The following NMNAT2 variants were observed in gnomAD, a reference collection of about 807,000 sequenced individuals.
The protein encoded by NMNAT2 is nicotinamide nucleotide adenylyltransferase 2.
In NMNAT2, 11 loss-of-function variants were observed where a neutral mutation model predicts 41.6. That is an observed-to-expected ratio of 0.26 (90% confidence interval 0.17 to 0.44). The LOEUF is 0.44. Among genes scored for constraint, NMNAT2 ranks in the 20% least tolerant of loss-of-function variants. The pLI is 1.00. For missense variants in NMNAT2, 288 were observed against 407.7 expected (o/e 0.71, Z 2.53); for synonymous variants, 148 against 151.2 (o/e 0.98, Z 0.16).
At chr1:183,334,069 G>A (rs991945373) in intron 1 of NMNAT2, among the ~76,000 whole-genome samples, 5 of 152,168 alleles carry the variant, frequency 3.3e-5, no homozygotes, top group Admixed American at 6.5e-5. Context: ...CTTCCTCACC[G>A]TCTCATTTTT....
chr1:183,269,602 G>A (rs1377243050), intron 8 of NMNAT2, among the ~76,000 whole-genome samples: 2 of 152,268 alleles, frequency 1.3e-5, no homozygotes, highest in Non-Finnish European at 2.9e-5. Context: ...CCATTGGGAA[G>A]GAGGGGAAGA....
chr1:183,322,950 T>C (rs1571597673), intron 1 of NMNAT2, among the ~76,000 whole-genome samples: 1 of 152,096 alleles, frequency 6.6e-6, no homozygotes, highest in South Asian at 2.1e-4. Flanking sequence ...TTTTTTTCTT[T>C]AGATGGAGTC....
intron 1 of NMNAT2, among the ~76,000 whole-genome samples, chr1:183,359,978 TA>T (rs1468922829): frequency 2.6e-5 from 4 of 152,212 alleles, no homozygotes; most frequent in African/African-American, 4.8e-5. Flanking sequence ...TAGTTAAGTG[TA>T]AAACATTGGA....
chr1:183,306,053 CCTCTCTA>C (rs1389679601), intron 1 of NMNAT2, among the ~76,000 whole-genome samples: 1 of 152,050 alleles, frequency 6.6e-6, no homozygotes, highest in Non-Finnish European at 1.5e-5. Context: ...GTTTATCTTC[CCTCTCTA>C]CTTCCTCTAG....
chr1:183,272,044 C>CA (rs1661000233), intron 8 of NMNAT2, among the ~76,000 whole-genome samples: 1 of 152,216 alleles, frequency 6.6e-6, no homozygotes, highest in Admixed American at 6.5e-5. Flanking sequence ...TGAGCCACCA[C>CA]ACCTGGCCTT....
intron 1 of NMNAT2, among the ~76,000 whole-genome samples, chr1:183,339,770 C>T (rs1662754582): frequency 1.4e-5 from 1 of 73,470 alleles, no homozygotes; most frequent in Admixed American, 1.4e-4. Context: ...ACCATCTGTA[C>T]TCCAAAATGA....
chr1:183,350,190 A>G (rs946710262), intron 1 of NMNAT2, among the ~76,000 whole-genome samples: 1 of 152,216 alleles, frequency 6.6e-6, no homozygotes, highest in African/African-American at 2.4e-5. Context: ...CTGTGAATAA[A>G]TGAATGGGGA....
chr1:183,311,722 T>TACACACACACACACAC, intron 1 of NMNAT2, among the ~76,000 whole-genome samples: 1 of 144,206 alleles, frequency 6.9e-6, no homozygotes, highest in Non-Finnish European at 1.5e-5. Flanking sequence ...GTCCAGTCCC[T>TACACACACACACACAC]ACACACACAC....
intron 1 of NMNAT2, among the ~76,000 whole-genome samples, chr1:183,364,682 T>TCTTTCTTTCTTTCTTTCTTTCTTTCTTC (rs1157014989): frequency 6.6e-6 from 1 of 151,612 alleles, no homozygotes; most frequent in Non-Finnish European, 1.5e-5. Flanking sequence ...TTTCTTTCTT[T>TCTTTCTTTCTTTCTTTCTTTCTTTCTTC]CTTTTTTTGT....
Position 183,304,210 on chromosome 1 carries a change from T to C in NMNAT2, c.86-10417A>G, listed in dbSNP as rs542219057. Among the ~76,000 whole-genome samples the C allele has an allele frequency of 3.2e-4, 49 of 152,304 alleles. 1 individual carries two copies. The highest frequency in any genetic ancestry group is 1.1e-3 in the African/African-American group (47 of 41,556). ...GAACAGGAAGTAGTGGAAGACATTT[T>C]TGGAAAAGCGTGCAGCACGTACAAA... On this transcript the variant is annotated intron_variant, in intron 1 of 10. Coordinates refer to ENST00000287713, the MANE Select transcript of NMNAT2 (RefSeq NM_015039.4).
chr1:183,286,886 C>T, intron 4 of NMNAT2, 98 bp from the exon 5 acceptor site: 1 of 1,321,302 alleles, frequency 7.6e-7, no homozygotes, highest in Non-Finnish European at 1.0e-6. Flanking sequence ...ATGGAGAGGC[C>T]ACCCAGAGCT....
At chr1:183,389,888 AGGG>A (rs1648418337) in intron 1 of NMNAT2, among the ~76,000 whole-genome samples, 1 of 53,254 alleles carries the variant, frequency 1.9e-5, no homozygotes, top group African/African-American at 6.0e-5. Context: ...GGAGGGAGGG[AGGG>A]AGGGAGGGAA....
intron 1 of NMNAT2, among the ~76,000 whole-genome samples, chr1:183,340,566 C>T (rs184049932): frequency 1.7e-3 from 259 of 152,128 alleles, no homozygotes; most frequent in African/African-American, 5.6e-3. Flanking sequence ...TCGGGTGATC[C>T]GCCTGCCTCA....
Position 183,389,820 on chromosome 1 carries a change from GAAAGAAAGAAAGAAAGAAAGAA to G in NMNAT2, c.85+28341_85+28362del, listed in dbSNP as rs1557897731. Among the ~76,000 whole-genome samples the G allele has an allele frequency of 3.6e-4, 20 of 55,280 alleles. 1 individual carries two copies. The highest frequency in any genetic ancestry group is 9.4e-4 in the East Asian group (1 of 1,060). 36.3% of individuals were successfully genotyped at this position (55,280 alleles called of 152,430 possible). ...AGAAAGAAAGAAAGAAAGAAAGAAAGAAAGAAAGAAAGAAAGAAAGAAAGGAAAAAAGAGAAAGAAAGAAAGA... is the reference window on the plus strand; with the variant it reads ...AGAAAGAAAGAAAGAAAGAAAGAAAGAGGAAAAAAGAGAAAGAAAGAAAGA... On this transcript the variant is annotated intron_variant, in intron 1 of 10. Transcript: ENST00000287713.
chr1:183,260,839 A>T (rs1369269471), intron 10 of NMNAT2, among the ~76,000 whole-genome samples, 163 bp downstream of exon 10: 1 of 151,934 alleles, frequency 6.6e-6, no homozygotes, highest in Non-Finnish European at 1.5e-5. Context: ...AAAAAAAAAA[A>T]AAATGTAAAA....
intron 1 of NMNAT2, among the ~76,000 whole-genome samples, chr1:183,394,371 A>G (rs922663758): frequency 5.9e-5 from 9 of 152,244 alleles, no homozygotes; most frequent in African/African-American, 2.2e-4. Flanking sequence ...ATGACAGAAG[A>G]GCTTTCTAAT....
intron 4 of NMNAT2, among the ~76,000 whole-genome samples, chr1:183,289,817 TC>T (rs1661492196): frequency 2.0e-5 from 3 of 152,170 alleles, no homozygotes. Context: ...GTCTCCTTAA[TC>T]CCACCTTGAA....
At chr1:183,304,699 C>T (rs199892451) in intron 1 of NMNAT2, 5 of 1,614,130 alleles carry the variant, frequency 3.1e-6, no homozygotes, top group Non-Finnish European at 4.2e-6. Flanking sequence ...TTCCCAGAGC[C>T]CCTGGCAGGC....
chr1:183,251,087 C>G lies in NMNAT2; in HGVS notation c.*1554G>C, dbSNP rs1430425776. ...CGCATGAGACCCTAGTAACCAGAAG[C>G]AAAGCTGGCAAAACTGTCTGCAGGA... On this transcript the variant is annotated 3_prime_UTR_variant, in exon 11 of 11. Transcript: ENST00000287713. 6.6e-6 allele frequency: 1 copy of G among 152,156 alleles called. No individual in the cohort carries two copies. The highest frequency in any genetic ancestry group is 2.4e-5 in the African/African-American group (1 of 41,410). 9.4% of individuals were successfully genotyped at this position (152,156 alleles called of 1,614,324 possible). A position where few individuals can be genotyped will look rare whatever the true frequency, so the allele number is the denominator to read the frequency against.
Sources: allele counts gnomAD v4.1 joint callset (sites outside exome capture counted in the v4.1 genomes callset), GRCh38; gene constraint gnomAD v4.1.1; transcripts MANE v1.5; gene names NCBI Gene and HGNC (gene_info 2026-07-23, HGNC 2026-07-21).